WDR88: variants seen among roughly 807,000 people sequenced by gnomAD.
WDR88 encodes WD repeat-containing protein 88.
In WDR88, 40 loss-of-function variants were observed where a neutral mutation model predicts 46.8. The observed-to-expected ratio is 0.86, with a 90% CI of 0.66 to 1.11. The LOEUF (loss-of-function observed/expected upper bound fraction) is 1.11, where lower values mean the gene tolerates loss of function less well. WDR88 is among the 50% of genes most tolerant of loss of function. The probability of loss-of-function intolerance (pLI) is 0.00; values close to 1 mark genes in which losing one functional copy is unlikely to be tolerated. For missense variants in WDR88, 562 were observed against 602.4 expected, an observed-to-expected ratio of 0.93 and a Z score of 0.70; for synonymous variants, 235 against 240.7, an observed-to-expected ratio of 0.98 and a Z score of 0.22.
At chr19:33,166,036 G>C (rs1166134773) in intron 9 of WDR88, among the ~76,000 whole-genome samples, 1 of 152,042 alleles carries the variant, frequency 6.6e-6, no homozygotes, top group Non-Finnish European at 1.5e-5. Flanking sequence ...AAGGTGGGAG[G>C]ATCGCTTAAG....
In WDR88 at chr19:33,132,967, C is replaced by G. The variant is rs887179461; in HGVS notation, c.276+522C>G. 3.3e-5 allele frequency among the ~76,000 whole-genome samples: 5 copies of G among 152,120 alleles called. No individual in the cohort carries two copies. The South Asian group carries it at 1.0e-3, about 32-fold the overall frequency. On this transcript the variant is annotated intron_variant, in intron 1 of 10. Coordinates refer to ENST00000355868, the MANE Select transcript of WDR88 (RefSeq NM_173479.4). ...TTGAGCCCAGGAGTTTGAGACCAGC[C>G]TGGGCAACATAGTGAGAGGTCGTCT...
At chr19:33,145,906 T>C (rs891829552) in intron 3 of WDR88, among the ~76,000 whole-genome samples, 1 of 152,240 alleles carries the variant, frequency 6.6e-6, no homozygotes, top group Non-Finnish European at 1.5e-5. Context: ...GATACATTTA[T>C]GTTTTTTTGT....
intron 9 of WDR88, among the ~76,000 whole-genome samples, chr19:33,170,203 G>GGTCTT (rs1435245475): frequency 6.6e-6 from 1 of 150,998 alleles, no homozygotes. Flanking sequence ...AAAGAGACAG[G>GGTCTT]GTCTTGCTGT....
At chr19:33,157,680 T>C (rs1354411583) in intron 7 of WDR88, among the ~76,000 whole-genome samples, 1 of 1,374 alleles carries the variant, frequency 7.3e-4, no homozygotes, top group African/African-American at 3.5e-3. Flanking sequence ...TGTGTGTGTG[T>C]ATGTATGTAT....
chr19:33,151,090 G>T (rs541540968), intron 5 of WDR88, 91 bp from the exon 6 acceptor site: 3 of 1,438,244 alleles, frequency 2.1e-6, no homozygotes, highest in Non-Finnish European at 1.9e-6. Context: ...ATTGTGTTTT[G>T]TAATCGTCAC....
At position 33,132,343 on chromosome 19, in the gene WDR88, C is replaced by A. The variant is rs1568355276; in HGVS notation, c.174C>A (p.Leu58=). The part of the protein sequence containing the change: ...SIPHTHLLAT[L]DPLALDREPP... ...CGCACACGCACCTGCTGGCCACCCT[C>A]GACCCCCTGGCCTTGGACAGGGAAC... Residue 58 remains leucine (L), a synonymous_variant, in exon 1 of 11, where the codon CTC becomes CTA. Transcript: ENST00000355868. 1 of 1,613,880 alleles carries A rather than the reference C, an allele frequency of 6.2e-7. No individual in the cohort carries two copies. Among genetic ancestry groups the A allele is most frequent in the African/African-American group, 1.3e-5 (1 of 74,918 alleles).
At chr19:33,138,864 T>A (rs1973332679) in intron 2 of WDR88, among the ~76,000 whole-genome samples, 1 of 151,882 alleles carries the variant, frequency 6.6e-6, no homozygotes, top group Non-Finnish European at 1.5e-5. Flanking sequence ...TTATTTTTAG[T>A]AGAGACAGGG....
At chr19:33,137,842 C>A in intron 2 of WDR88, 55 bp downstream of exon 2, 1 of 1,485,104 alleles carries the variant, frequency 6.7e-7, no homozygotes, top group Non-Finnish European at 9.3e-7. Context: ...TAAGCTTAGG[C>A]ACCTCCTGTG....
At chr19:33,137,545 C>G in intron 1 of WDR88, 132 bp from the exon 2 acceptor site, 1 of 774,028 alleles carries the variant, frequency 1.3e-6, no homozygotes, top group Non-Finnish European at 2.0e-6. Context: ...GAACCACCCC[C>G]CTGGCCAGAA....
chr19:33,138,649 C>T (rs999631959), intron 2 of WDR88, among the ~76,000 whole-genome samples: 8 of 150,828 alleles, frequency 5.3e-5, no homozygotes, highest in Non-Finnish European at 1.0e-4. Context: ...GCCTGGCCCC[C>T]ACACCTTTTT....
At chr19:33,149,763 A>G (rs1160493352) in intron 5 of WDR88, among the ~76,000 whole-genome samples, 1 of 151,634 alleles carries the variant, frequency 6.6e-6, no homozygotes, top group East Asian at 1.9e-4. Flanking sequence ...GGTTCAAGCA[A>G]TTCTCCTTGC....
At chr19:33,145,946 AGT>A (rs541405317) in intron 3 of WDR88, among the ~76,000 whole-genome samples, 23 of 152,212 alleles carry the variant, frequency 1.5e-4, no homozygotes, top group Admixed American at 2.6e-4. Flanking sequence ...CAAAATAAGT[AGT>A]CTCTTAAACT....
chr19:33,149,344 AAAAC>A (rs10684435), intron 5 of WDR88, among the ~76,000 whole-genome samples: 85 of 151,106 alleles, frequency 5.6e-4, no homozygotes, highest in African/African-American at 1.3e-3. Flanking sequence ...AAACAAACAA[AAAAC>A]AAACAAACAA....
At chr19:33,137,833 A>G in intron 2 of WDR88, 46 bp downstream of exon 2, 1 of 1,532,570 alleles carries the variant, frequency 6.5e-7, no homozygotes, top group Non-Finnish European at 9.0e-7. Flanking sequence ...AACCTTTCCT[A>G]AGCTTAGGCA....
chr19:33,135,028 T>G (rs1203837089), intron 1 of WDR88, among the ~76,000 whole-genome samples: 1 of 125,096 alleles, frequency 8.0e-6, no homozygotes, highest in African/African-American at 2.9e-5. Context: ...CTGGGACGTG[T>G]CGCCATGCGC....
chr19:33,165,901 CAAA>C (rs34888884), intron 9 of WDR88, among the ~76,000 whole-genome samples: 7,653 of 109,122 alleles, frequency 0.07, 289 homozygotes, highest in Middle Eastern at 0.14. Flanking sequence ...AACTCTGTCT[CAAA>C]AAAAAAAAAA....
At position 33,175,561 on chromosome 19, in the gene WDR88, A is replaced by T. The variant is rs1974109841; in HGVS notation, c.1408A>T (p.Lys470Ter). The change falls in exon 11 of 11, where the codon AAG becomes TAG. Residue 470 changes from lysine (K) to a stop codon, truncating the protein, a stop_gained. Transcript: ENST00000355868. LOFTEE classifies it high-confidence loss of function. ...GAACTCACCGCCGCCAAGGGGAAGC[A>T]AGGATGACTGACAGCCACAGGCCCC... The part of the protein sequence containing the change: ...RENSPPPRGS[K>*]DD 2.5e-6 allele frequency: 4 copies of T among 1,614,060 alleles called. No homozygotes were observed. The highest frequency in any genetic ancestry group is 3.4e-6 in the Non-Finnish European group (4 of 1,180,034).
intron 7 of WDR88, among the ~76,000 whole-genome samples, 199 bp from the exon 8 acceptor site, chr19:33,160,215 C>T (rs1162721723): frequency 6.6e-6 from 1 of 152,104 alleles, no homozygotes; most frequent in Non-Finnish European, 1.5e-5. Context: ...ACTGGGGACC[C>T]CTGTCATAGA....
chr19:33,144,893 C>T lies in WDR88; in HGVS notation c.437C>T (p.Ala146Val). Reference sequence around the variant, plus strand: ...CGCGATTTTGAGCACAGGCCCAAAGCTCCTGTTGTAGAGTGCAGCATCACC... The same window carrying T: ...CGCGATTTTGAGCACAGGCCCAAAGTTCCTGTTGTAGAGTGCAGCATCACC... ...VVRDFEHRPK[A>V]PVVECSITGD... The change falls in exon 3 of 11, where the codon GCT becomes GTT. Residue 146 changes from alanine (A) to valine (V), a missense_variant. By Grantham distance (64) the Ala-to-Val change is moderately conservative. Coordinates refer to ENST00000355868, the MANE Select transcript of WDR88 (RefSeq NM_173479.4). 2 of 1,613,788 alleles carry T rather than the reference C, an allele frequency of 1.2e-6. No homozygotes were observed. The highest frequency in any genetic ancestry group is 8.5e-7 in the Non-Finnish European group (1 of 1,179,926).
Sources: allele counts gnomAD v4.1 joint callset (sites outside exome capture counted in the v4.1 genomes callset), GRCh38; gene constraint gnomAD v4.1.1; transcripts MANE v1.5; gene names NCBI Gene and HGNC (gene_info 2026-07-23, HGNC 2026-07-21).